RYR2: variants seen among roughly 807,000 people sequenced by gnomAD.
RYR2 encodes cardiac muscle ryanodine receptor-calcium release channel.
Under a neutral mutation model 601.1 loss-of-function variants are expected in RYR2, and 227 were observed. The observed-to-expected ratio is 0.38, with a 90% CI of 0.34 to 0.42. The LOEUF (loss-of-function observed/expected upper bound fraction) is 0.42. Among genes scored for constraint, RYR2 ranks in the 10% least tolerant of loss-of-function variants. The probability of loss-of-function intolerance (pLI) is 1.00; values close to 1 mark genes in which losing one functional copy is unlikely to be tolerated. For missense variants in RYR2, 4,646 were observed against 6,156.5 expected, an observed-to-expected ratio of 0.75 and a Z score of 8.21; for synonymous variants, 2,223 against 2,175.1, an observed-to-expected ratio of 1.02 and a Z score of -0.61.
intron 35 of RYR2, among the ~76,000 whole-genome samples, chr1:237,607,416 G>A (rs1482200767): frequency 6.7e-6 from 1 of 150,048 alleles, no homozygotes; most frequent in Non-Finnish European, 1.5e-5. Flanking sequence ...ACACACCGGG[G>A]CCTGTTGTGG....
chr1:237,128,178 C>A (rs1237819914), intron 1 of RYR2, among the ~76,000 whole-genome samples: 3 of 152,228 alleles, frequency 2.0e-5, no homozygotes, highest in African/African-American at 7.2e-5. Flanking sequence ...CGGTTAGGGG[C>A]TGGAGACCGG....
intron 60 of RYR2, among the ~76,000 whole-genome samples, chr1:237,677,556 C>T (rs1264418892): frequency 1.3e-5 from 2 of 152,278 alleles, no homozygotes; most frequent in Non-Finnish European, 2.9e-5. Flanking sequence ...CAGATCCTGA[C>T]TTCCTGCAGT....
intron 101 of RYR2, among the ~76,000 whole-genome samples, chr1:237,823,792 A>G (rs1006679301): frequency 2.6e-5 from 4 of 152,158 alleles, no homozygotes; most frequent in African/African-American, 9.7e-5. Flanking sequence ...AGCCAGACTA[A>G]TAAAGAAGAA....
At chr1:237,423,057 G>A in intron 11 of RYR2, 35 bp from the exon 12 acceptor site, 4 of 1,592,640 alleles carry the variant, frequency 2.5e-6, no homozygotes, top group Non-Finnish European at 3.4e-6. Flanking sequence ...GTGATTGTGG[G>A]TGCTATTGGA....
chr1:237,334,440 A>ATAT (rs1697055179), intron 3 of RYR2, among the ~76,000 whole-genome samples: 16 of 146,074 alleles, frequency 1.1e-4, no homozygotes, highest in Admixed American at 6.9e-4. Context: ...GTTTAATTAA[A>ATAT]ATATATATAT....
chr1:237,505,640 C>T (rs2618701), intron 22 of RYR2, among the ~76,000 whole-genome samples: 149,251 of 152,306 alleles, frequency 0.98, 73,219 homozygotes, highest in East Asian at 1. Flanking sequence ...AACTAGATGA[C>T]ATCATGGTAG....
At chr1:237,779,454 T>C (rs1175597796) in intron 88 of RYR2, among the ~76,000 whole-genome samples, 1 of 152,206 alleles carries the variant, frequency 6.6e-6, no homozygotes, top group Non-Finnish European at 1.5e-5. Flanking sequence ...TCTGAGACCT[T>C]CAGAGTGTGA....
intron 7 of RYR2, among the ~76,000 whole-genome samples, chr1:237,376,584 A>G (rs766071700): frequency 6.6e-6 from 1 of 152,214 alleles, no homozygotes; most frequent in Non-Finnish European, 1.5e-5. Context: ...CAAAGGTATT[A>G]TGAACAGAAT....
intron 17 of RYR2, among the ~76,000 whole-genome samples, chr1:237,488,708 C>T (rs1289232971): frequency 6.6e-6 from 1 of 152,034 alleles, no homozygotes; most frequent in Admixed American, 6.6e-5. Flanking sequence ...TAAGAAGGTA[C>T]TTTGTAATAT....
At chr1:237,395,231 G>A (rs1476152764) in intron 10 of RYR2, among the ~76,000 whole-genome samples, 1 of 152,184 alleles carries the variant, frequency 6.6e-6, no homozygotes. Flanking sequence ...GTAAAACTTA[G>A]ATGGTAGAAA....
chr1:237,094,316 C>T (rs138454047), intron 1 of RYR2, among the ~76,000 whole-genome samples: 122 of 152,310 alleles, frequency 8.0e-4, no homozygotes, highest in African/African-American at 2.9e-3. Context: ...ACTTTAACTT[C>T]CTCTTTCTGT....
chr1:237,226,030 G>T (rs532948528), intron 1 of RYR2, among the ~76,000 whole-genome samples: 76 of 151,782 alleles, frequency 5.0e-4, no homozygotes, highest in African/African-American at 1.6e-3. Context: ...ACTCCAGCCT[G>T]GGTGACAGAA....
intron 24 of RYR2, among the ~76,000 whole-genome samples, chr1:237,524,297 C>T (rs1360106368): frequency 1.3e-5 from 2 of 152,104 alleles, no homozygotes; most frequent in Non-Finnish European, 2.9e-5. Flanking sequence ...GTGGAAGGAG[C>T]CAAACACAGA....
chr1:237,148,523 AAAAAATATAT>A (rs1437828774), intron 1 of RYR2, among the ~76,000 whole-genome samples: 12 of 48,300 alleles, frequency 2.5e-4, no homozygotes, highest in Middle Eastern at 0.012. Flanking sequence ...AGTAAAAAAA[AAAAAATATAT>A]ATATATATAT....
At chr1:237,407,176 A>G (rs943966892) in intron 10 of RYR2, among the ~76,000 whole-genome samples, 1 of 152,194 alleles carries the variant, frequency 6.6e-6, no homozygotes, top group African/African-American at 2.4e-5. Context: ...TGATTTCTTT[A>G]CATCACTGAA....
intron 1 of RYR2, among the ~76,000 whole-genome samples, chr1:237,258,529 T>C (rs1688218192): frequency 6.6e-6 from 1 of 152,208 alleles, no homozygotes; most frequent in African/African-American, 2.4e-5. Context: ...CCTATTAAAA[T>C]GTGATCATTA....
chr1:237,488,352 G>A (rs1243163855), intron 17 of RYR2, among the ~76,000 whole-genome samples: 2 of 152,170 alleles, frequency 1.3e-5, no homozygotes, highest in African/African-American at 4.8e-5. Flanking sequence ...GGCTCCTGCA[G>A]ATATGGCATC....
intron 34 of RYR2, among the ~76,000 whole-genome samples, chr1:237,599,111 A>C (rs1280807856): frequency 6.6e-6 from 1 of 152,204 alleles, no homozygotes; most frequent in Non-Finnish European, 1.5e-5. Context: ...GCAGATTAAT[A>C]GTGAGTGAGG....
chr1:237,348,198 C>T (rs1245679978), intron 3 of RYR2, among the ~76,000 whole-genome samples: 1 of 152,168 alleles, frequency 6.6e-6, no homozygotes, highest in African/African-American at 2.4e-5. Context: ...ATTGTCCAGG[C>T]TGGATTCGAA....
Sources: gnomAD v4.1 joint callset for allele counts (sites outside exome capture counted in the v4.1 genomes callset) on GRCh38, gnomAD v4.1.1 for gene constraint, MANE v1.5 for transcripts, NCBI Gene and HGNC (gene_info 2026-07-23, HGNC 2026-07-21) for gene names.